ACOT8: variants seen among roughly 807,000 people sequenced by gnomAD.
The protein encoded by ACOT8 is acyl-coenzyme A thioesterase 8.
A neutral mutation model predicts 38.4 loss-of-function variants in ACOT8; 31 were observed. That is an observed-to-expected ratio of 0.81 (90% CI 0.61 to 1.09). The LOEUF (loss-of-function observed/expected upper bound fraction) is 1.09, where lower values mean the gene tolerates loss of function less well. ACOT8 is among the 50% of genes least tolerant of loss of function. ACOT8 has a pLI of 0.00. For missense variants in ACOT8, 373 were observed against 421.8 expected (o/e 0.88, Z 1.01); for synonymous variants, 158 against 170.3 (o/e 0.93, Z 0.56).
intron 2 of ACOT8, among the ~76,000 whole-genome samples, chr20:45,852,926 GC>G (rs1471320166): frequency 6.6e-6 from 1 of 152,068 alleles, no homozygotes; most frequent in Non-Finnish European, 1.5e-5. Context: ...ATGCCGCCAT[GC>G]CTGGCTAATT....
At chr20:45,845,220 C>T (rs59909534) in intron 3 of ACOT8, among the ~76,000 whole-genome samples, 3 of 152,302 alleles carry the variant, frequency 2.0e-5, no homozygotes, top group African/African-American at 7.2e-5. Context: ...TCCCGAGTAG[C>T]TGGGATTACA....
chr20:45,843,965 G>T, intron 4 of ACOT8: 1 of 836,430 alleles, frequency 1.2e-6, no homozygotes, highest in Non-Finnish European at 1.8e-6. Context: ...CCCCAAAAGG[G>T]GTGTCTTCTT....
At chr20:45,853,328 G>A (rs1601100483) in intron 2 of ACOT8, 1 of 152,376 alleles carries the variant, frequency 6.6e-6, no homozygotes, top group South Asian at 2.1e-4. Context: ...AACCTCTTCA[G>A]GTCCCAGTTT....
intron 2 of ACOT8, among the ~76,000 whole-genome samples, chr20:45,851,499 T>G (rs1337027771): frequency 6.6e-6 from 1 of 152,218 alleles, no homozygotes; most frequent in South Asian, 2.1e-4. Context: ...GCCCTATTCT[T>G]GAAAATTGTT....
At position 45,853,821 on chromosome 20, in the gene ACOT8, A is replaced by G. The variant is rs138397074; in HGVS notation, c.262+1338T>C. The G allele has an allele frequency of 2.3e-3, 2,014 of 885,862 alleles. 28 individuals are homozygous for G. The Admixed American group carries it at 0.023, about 10-fold the overall frequency. The allele number at this position is 885,862 out of a possible 1,614,324, so 54.9% of individuals were successfully genotyped here. A position where few individuals can be genotyped will look rare whatever the true frequency, so the allele number is the denominator to read the frequency against. On this transcript the variant is annotated intron_variant, in intron 2 of 5. Coordinates refer to ENST00000217455, the MANE Select transcript of ACOT8 (RefSeq NM_005469.4). The stretch of plus-strand genomic sequence containing the variant: ...TCCTCAGGGATGAGGAGTAAGAGAC[A>G]CGGGACAGTATGAAAAAGTGTATTT...
At chr20:45,848,992 A>G in intron 2 of ACOT8, 1 of 285,920 alleles carries the variant, frequency 3.5e-6, no homozygotes, top group Non-Finnish European at 6.5e-6. Flanking sequence ...CAAACTGGGG[A>G]TCATCATGGT....
rs531096121 is a variant in ACOT8, at chr20:45,845,914, C to A, written c.489-1494G>T. On this transcript the variant is annotated intron_variant, in intron 3 of 5. Transcript: ENST00000217455. ...GTGACTCAATCTTGCTTACTGCAACCTCTGCCCCCTGGGTCCAAGCGACTC... is the reference window on the plus strand; with the variant it reads ...GTGACTCAATCTTGCTTACTGCAACATCTGCCCCCTGGGTCCAAGCGACTC... Among the ~76,000 whole-genome samples the A allele has an allele frequency of 6.6e-5, 10 of 151,858 alleles. No homozygotes were observed. The South Asian group carries it at 1.9e-3, about 28-fold the overall frequency.
Position 45,848,613 on chromosome 20 carries a change from C to T in ACOT8, c.325G>A (p.Val109Met). 1 of 1,613,896 alleles carries T rather than the reference C, an allele frequency of 6.2e-7. No homozygotes were observed. Among genetic ancestry groups the T allele is most frequent in the Non-Finnish European group, 8.5e-7 (1 of 1,180,004 alleles). ...TGTTGCACGGCCTTCACAGAGCGCA[C>T]CGAGAAGCTCGACCCTGTTCGTGTC... is the stretch of plus-strand genomic sequence containing the variant. ...ERTRTGSSFS[V>M]RSVKAVQHGK... Residue 109 changes from valine to methionine, a missense_variant, in exon 3 of 6, where the codon GTG (valine) becomes ATG (methionine). Coordinates refer to ENST00000217455, the MANE Select transcript of ACOT8 (RefSeq NM_005469.4).
chr20:45,843,358 C>T (rs1046934308), intron 5 of ACOT8, 169 bp downstream of exon 5: 16 of 913,726 alleles, frequency 1.8e-5, no homozygotes, highest in Non-Finnish European at 2.6e-5. Context: ...AGCAGGTGTC[C>T]CGGCCTCACC....
chr20:45,842,488 C>T, intron 5 of ACOT8: 1 of 1,024,320 alleles, frequency 9.8e-7, no homozygotes, highest in Non-Finnish European at 1.2e-6. Flanking sequence ...GAAAAATATC[C>T]CCACTACCAC....
At chr20:45,848,813 G>A in intron 2 of ACOT8, 138 bp from the exon 3 acceptor site, 1 of 702,638 alleles carries the variant, frequency 1.4e-6, no homozygotes, top group Non-Finnish European at 2.2e-6. Flanking sequence ...CCAGGCCCAG[G>A]GATACAGAGA....
intron 3 of ACOT8, among the ~76,000 whole-genome samples, chr20:45,845,950 G>A (rs1984660401): frequency 6.6e-6 from 1 of 151,546 alleles, no homozygotes; most frequent in Non-Finnish European, 1.5e-5. Context: ...TCCTGCCTCA[G>A]CCTCCTGAGT....
rs1568740918 is a variant in ACOT8, at chr20:45,855,030, G to A, written c.262+129C>T. On this transcript the variant is annotated intron_variant, in intron 2 of 5. Transcript: ENST00000217455. Reference sequence around the variant, plus strand: ...CGTTCCACCCTAGACACCTCTTAGGGTGGTAGTGTCCGCCACCCCTCCCCT... The same window carrying A: ...CGTTCCACCCTAGACACCTCTTAGGATGGTAGTGTCCGCCACCCCTCCCCT... 4.5e-6 allele frequency: 6 copies of A among 1,321,424 alleles called. 1 individual carries two copies. In the South Asian group the frequency reaches 8.3e-5, roughly 18 times the overall value. 81.9% of individuals were successfully genotyped at this position (1,321,424 alleles called of 1,614,324 possible). A position where few individuals can be genotyped will look rare whatever the true frequency, so the allele number is the denominator to read the frequency against.
rs1173261845 is a variant in ACOT8, at chr20:45,841,817, A to T, written c.*21T>A. ...ATAGATGGGAGGTTCTTGAAGCCCC[A>T]GGCGAAGCTGGTACCTCTGGCTACA... On this transcript the variant is annotated 3_prime_UTR_variant, in exon 6 of 6. Coordinates refer to ENST00000217455, the MANE Select transcript of ACOT8 (RefSeq NM_005469.4). The T allele has an allele frequency of 1.3e-6, 2 of 1,577,582 alleles. No homozygotes were observed. Among genetic ancestry groups the T allele is most frequent in the Admixed American group, 1.9e-5 (1 of 53,248 alleles).
At chr20:45,848,372 A>C (rs1188740763) in intron 3 of ACOT8, 78 bp downstream of exon 3, 1 of 1,276,140 alleles carries the variant, frequency 7.8e-7, no homozygotes, top group East Asian at 2.3e-5. Flanking sequence ...GTCAAGACCC[A>C]CTAAAGGATT....
chr20:45,841,808 T>G lies in ACOT8; in HGVS notation c.*30A>C, dbSNP rs1424662314. ...GGAATGGGGATAGATGGGAGGTTCT[T>G]GAAGCCCCAGGCGAAGCTGGTACCT... On this transcript the variant is annotated 3_prime_UTR_variant, in exon 6 of 6. Transcript: ENST00000217455. 1.3e-6 allele frequency: 2 copies of G among 1,563,622 alleles called. No individual in the cohort carries two copies. The highest frequency in any genetic ancestry group is 1.7e-6 in the Non-Finnish European group (2 of 1,160,350).
At chr20:45,843,196 C>T (rs938637344) in intron 5 of ACOT8, 6 of 492,946 alleles carry the variant, frequency 1.2e-5, no homozygotes, top group African/African-American at 2.0e-5. Flanking sequence ...TGTAATGTAA[C>T]CCTCTTTGTT....
intron 5 of ACOT8, 45 bp downstream of exon 5, chr20:45,843,482 G>A (rs747872501): frequency 1.9e-6 from 3 of 1,591,490 alleles, no homozygotes; most frequent in Admixed American, 1.7e-5. Flanking sequence ...GCAGGCTCCT[G>A]CCACTCAAGG....
At chr20:45,845,814 TCTA>T (rs1314730849) in intron 3 of ACOT8, among the ~76,000 whole-genome samples, 2 of 151,806 alleles carry the variant, frequency 1.3e-5, no homozygotes, top group African/African-American at 4.8e-5. Flanking sequence ...AATTGTTCAT[TCTA>T]CTGACTTTGG....
Sources: gnomAD v4.1 joint callset for allele counts (sites outside exome capture counted in the v4.1 genomes callset) on GRCh38, gnomAD v4.1.1 for gene constraint, MANE v1.5 for transcripts, NCBI Gene and HGNC (gene_info 2026-07-23, HGNC 2026-07-21) for gene names.